PRRC1: variants seen among roughly 807,000 people sequenced by gnomAD.
The protein encoded by PRRC1 is proline rich coiled-coil 1, also known as protein PRRC1.
In PRRC1, 39 loss-of-function variants were observed where a neutral mutation model predicts 40.7. The ratio of observed to expected loss-of-function variants is 0.96; its 90% CI spans 0.74 to 1.25. The LOEUF is 1.25. Among genes scored for constraint, PRRC1 ranks in the 50% most tolerant of loss-of-function variants. The probability of loss-of-function intolerance (pLI) is 0.00; values close to 1 mark genes in which losing one functional copy is unlikely to be tolerated. For missense variants in PRRC1, 573 were observed against 548.3 expected (o/e 1.05, Z -0.45); for synonymous variants, 175 against 193.3 (o/e 0.91, Z 0.79).
At position 127,533,731 on chromosome 5, in the gene PRRC1, A is replaced by G. The variant is rs143078320; in HGVS notation, c.866A>G (p.Glu289Gly). ...TTTGGCTTAGCTGTGGTTGTAGGGG[A>G]AGCTGGACAGTCCAATATTGCCCCA... ...EVFGLAVVVG[E>G]AGQSNIAPQP... Residue 289 changes from glutamate to glycine, a missense_variant, in exon 6 of 9, where the codon GAA (glutamate) becomes GGA (glycine). Physicochemically the swap from Glu to Gly is moderately conservative, Grantham distance 98. Transcript: ENST00000296666. The G allele has an allele frequency of 9.9e-6, 16 of 1,614,096 alleles. No homozygotes were observed. In the African/African-American group the frequency reaches 1.9e-4, roughly 19 times the overall value.
At chr5:127,547,585 A>G (rs1768262509) in intron 7 of PRRC1, among the ~76,000 whole-genome samples, 1 of 152,008 alleles carries the variant, frequency 6.6e-6, no homozygotes, top group Non-Finnish European at 1.5e-5. Context: ...TTTCCATGAT[A>G]AGTATTTTTA....
At position 127,534,622 on chromosome 5, in the gene PRRC1, A is replaced by G. The variant is rs78883465; in HGVS notation, c.921+836A>G. On this transcript the variant is annotated intron_variant, in intron 6 of 8. Transcript: ENST00000296666. ...TTCATGTATTGCTCACTCCTTCTGTACTTCCTTTGCTGATTCCTCCTCTTC... is the reference window on the plus strand; with the variant it reads ...TTCATGTATTGCTCACTCCTTCTGTGCTTCCTTTGCTGATTCCTCCTCTTC... 6.4e-4 allele frequency among the ~76,000 whole-genome samples: 98 copies of G among 152,076 alleles called. No homozygotes were observed. The East Asian group carries it at 0.011, about 17-fold the overall frequency.
chr5:127,531,322 A>T (rs531714658), intron 5 of PRRC1, among the ~76,000 whole-genome samples: 2 of 152,274 alleles, frequency 1.3e-5, no homozygotes, highest in East Asian at 3.9e-4. Flanking sequence ...ACTCATGCTC[A>T]ATTTTTTTAC....
intron 2 of PRRC1, 106 bp from the exon 3 acceptor site, chr5:127,524,425 C>T (rs1274876377): frequency 2.9e-6 from 3 of 1,045,872 alleles, no homozygotes; most frequent in Non-Finnish European, 4.2e-6. Flanking sequence ...TTGGGATATG[C>T]TTTGGTAAGT....
rs546501750 is a variant in PRRC1, at chr5:127,523,092, A to T, written c.-20-368A>T. On this transcript the variant is annotated intron_variant, in intron 1 of 8. Transcript: ENST00000296666. The stretch of plus-strand genomic sequence containing the variant: ...CTCCCAGAGTGCTGGGATTATAGGC[A>T]TGGGACACCACACCTGGCCCAGACA... Among the ~76,000 whole-genome samples, 5 of 152,288 alleles carry T rather than the reference A, an allele frequency of 3.3e-5. No individual in the cohort carries two copies. The South Asian group carries it at 1.0e-3, about 32-fold the overall frequency.
chr5:127,547,067 C>T (rs1167748508), intron 7 of PRRC1, among the ~76,000 whole-genome samples: 1 of 152,000 alleles, frequency 6.6e-6, no homozygotes, highest in Non-Finnish European at 1.5e-5. Context: ...ATTAGATTTA[C>T]ATTAAAAAAT....
At chr5:127,543,923 C>A (rs777272287) in intron 7 of PRRC1, among the ~76,000 whole-genome samples, 1 of 152,170 alleles carries the variant, frequency 6.6e-6, no homozygotes, top group African/African-American at 2.4e-5. Flanking sequence ...TGAGGAACTG[C>A]GTTCCTTTGG....
chr5:127,526,598 A>C lies in PRRC1; in HGVS notation c.494-20A>C. On this transcript the variant is annotated intron_variant, in intron 3 of 8. Coordinates refer to ENST00000296666, the MANE Select transcript of PRRC1 (RefSeq NM_130809.5). ...TTTATGGAATAAATTATACATATGA[A>C]AATTTTTGCCATTGATTAGGTCTTT... 1.9e-6 allele frequency: 3 copies of C among 1,587,864 alleles called. No homozygotes were observed. The highest frequency in any genetic ancestry group is 2.6e-6 in the Non-Finnish European group (3 of 1,168,536).
intron 6 of PRRC1, 30 bp downstream of exon 6, chr5:127,533,816 T>C (rs373297187): frequency 6.2e-7 from 1 of 1,608,874 alleles, no homozygotes; most frequent in African/African-American, 1.3e-5. Flanking sequence ...TTTCAGGACA[T>C]GGAAACTGGC....
At chr5:127,528,289 T>C (rs1258288533) in intron 4 of PRRC1, among the ~76,000 whole-genome samples, 1 of 151,658 alleles carries the variant, frequency 6.6e-6, no homozygotes, top group Non-Finnish European at 1.5e-5. Flanking sequence ...TGTCAGTCTT[T>C]TCTTTTCTTT....
chr5:127,523,686 CTATTATTT>C, intron 2 of PRRC1, 104 bp downstream of exon 2: 1 of 543,118 alleles, frequency 1.8e-6, no homozygotes, highest in Non-Finnish European at 3.1e-6. Flanking sequence ...TAAAACTTCT[CTATTATTT>C]TTCAGGATGA....
intron 7 of PRRC1, 89 bp downstream of exon 7, chr5:127,539,232 A>G: frequency 4.5e-6 from 4 of 896,660 alleles, no homozygotes; most frequent in East Asian, 2.5e-5. Flanking sequence ...CTCCTGTTTT[A>G]TAACCAGAGA....
chr5:127,553,969 CTCTCTGGTT>C lies in PRRC1; in HGVS notation c.*2054_*2062del. 1 of 1,470,118 alleles carries C rather than the reference CTCTCTGGTT, an allele frequency of 6.8e-7. No homozygotes were observed. Among genetic ancestry groups the C allele is most frequent in the Non-Finnish European group, 9.1e-7 (1 of 1,101,416 alleles). The allele number at this position is 1,470,118 out of a possible 1,614,324, so 91.1% of individuals were successfully genotyped here. A position where few individuals can be genotyped will look rare whatever the true frequency, so the allele number is the denominator to read the frequency against. On this transcript the variant is annotated 3_prime_UTR_variant, in exon 9 of 9. Coordinates refer to ENST00000296666, the MANE Select transcript of PRRC1 (RefSeq NM_130809.5). Reference sequence around the variant, plus strand: ...AGAGAAATACATGAACTGCTCTGGCCTCTCTGGTTCTGTTCTTGGCCCAGAGTTTTTGAA... The same window carrying C: ...AGAGAAATACATGAACTGCTCTGGCCCTGTTCTTGGCCCAGAGTTTTTGAA...
rs1768447160 is a variant in PRRC1 at position 127,553,557 on chromosome 5, T to A, written c.*1641T>A. ...CACTTTATTTTAAAAGCTATCCTTT[T>A]CTAGTAGTATTTTATCATGGCAATG... On this transcript the variant is annotated 3_prime_UTR_variant, in exon 9 of 9. Transcript: ENST00000296666. 6 of 1,239,710 alleles carry A rather than the reference T, an allele frequency of 4.8e-6. No homozygotes were observed. The highest frequency in any genetic ancestry group is 5.1e-6 in the Non-Finnish European group (5 of 983,546). 76.8% of individuals were successfully genotyped at this position (1,239,710 alleles called of 1,614,324 possible).
Position 127,553,682 on chromosome 5 carries a change from C to G in PRRC1, c.*1766C>G. Reference sequence around the variant, plus strand: ...TCCCTCCTATTATAAGGAAATCTTACAGATTCTAAAAATACCTTAATTTTT... The same window carrying G: ...TCCCTCCTATTATAAGGAAATCTTAGAGATTCTAAAAATACCTTAATTTTT... On this transcript the variant is annotated 3_prime_UTR_variant, in exon 9 of 9. Transcript: ENST00000296666. 1.4e-6 allele frequency: 2 copies of G among 1,478,632 alleles called. No individual in the cohort carries two copies. The highest frequency in any genetic ancestry group is 1.8e-6 in the Non-Finnish European group (2 of 1,120,638). The allele number at this position is 1,478,632 out of a possible 1,614,324, so 91.6% of individuals were successfully genotyped here.
rs1768443375 is a variant in PRRC1, at chr5:127,553,455, G to T, written c.*1539G>T. ...TTATAGGTTGCCTTGGTGTACTTTT[G>T]TCCAGGAGTAACAGGGACAGAATAC... On this transcript the variant is annotated 3_prime_UTR_variant, in exon 9 of 9. Transcript: ENST00000296666. The T allele has an allele frequency of 1.8e-6, 2 of 1,112,356 alleles. No homozygotes were observed. The highest frequency in any genetic ancestry group is 2.2e-6 in the Non-Finnish European group (2 of 908,346). 68.9% of individuals were successfully genotyped at this position (1,112,356 alleles called of 1,614,324 possible).
In PRRC1 at chr5:127,554,067, C is replaced by T. The variant is rs978007387; in HGVS notation, c.*2151C>T. The T allele has an allele frequency of 7.8e-6, 5 of 644,028 alleles. No homozygotes were observed. The highest frequency in any genetic ancestry group is 1.2e-5 in the Non-Finnish European group (5 of 403,726). 39.9% of individuals were successfully genotyped at this position (644,028 alleles called of 1,614,324 possible). ...CTCAGCCTTTTGTTTATTTTGTTGT[C>T]CTTAGATTTCCCTGTTGTAAAAGGG... is the stretch of plus-strand genomic sequence containing the variant. On this transcript the variant is annotated 3_prime_UTR_variant, in exon 9 of 9. Coordinates refer to ENST00000296666, the MANE Select transcript of PRRC1 (RefSeq NM_130809.5).
intron 5 of PRRC1, among the ~76,000 whole-genome samples, chr5:127,531,352 C>T (rs1039081431): frequency 2.0e-5 from 3 of 152,098 alleles, no homozygotes; most frequent in African/African-American, 7.2e-5. Flanking sequence ...CTTTGCTTCC[C>T]TTGTAGTAGA....
chr5:127,533,459 C>T (rs1454788410), intron 5 of PRRC1, among the ~76,000 whole-genome samples, 164 bp from the exon 6 acceptor site: 1 of 151,976 alleles, frequency 6.6e-6, no homozygotes, highest in African/African-American at 2.4e-5. Flanking sequence ...CTTTGTTGGC[C>T]TCAGTTTTCT....
Sources: allele counts gnomAD v4.1 joint callset (sites outside exome capture counted in the v4.1 genomes callset), GRCh38; gene constraint gnomAD v4.1.1; transcripts MANE v1.5; gene names NCBI Gene and HGNC (gene_info 2026-07-23, HGNC 2026-07-21).